The following NT5DC1 variants were observed in gnomAD, a reference collection of about 807,000 sequenced individuals.
NT5DC1 encodes the protein 5'-nucleotidase domain containing 1, also known as 5'-nucleotidase domain-containing protein 1.
NT5DC1 carries 42 observed loss-of-function variants against 59.4 expected under a neutral mutation model. The ratio of observed to expected loss-of-function variants is 0.71; its 90% CI spans 0.55 to 0.92. The LOEUF (loss-of-function observed/expected upper bound fraction) is 0.92. Ranked by LOEUF, NT5DC1 falls within the 40% of genes least tolerant of loss-of-function variation. The pLI is 0.00. For missense variants in NT5DC1, 501 were observed against 537.1 expected (o/e 0.93, Z 0.66); for synonymous variants, 172 against 188.1 (o/e 0.91, Z 0.70).
chr6:116,132,068 T>C (rs12205235), intron 6 of NT5DC1, among the ~76,000 whole-genome samples: 27,403 of 152,120 alleles, frequency 0.18, 3,271 homozygotes, highest in Middle Eastern at 0.34. Context: ...CTTTATCCAG[T>C]CTATCATTGA....
chr6:116,149,915 T>A lies in NT5DC1; in HGVS notation c.529+31970T>A, dbSNP rs73772286. Among the ~76,000 whole-genome samples the A allele has an allele frequency of 4.8e-3, 734 of 152,344 alleles. 11 individuals are homozygous for A. Among genetic ancestry groups the A allele is most frequent in the South Asian group, 0.042 (204 of 4,820 alleles). On this transcript the variant is annotated intron_variant, in intron 6 of 11. Transcript: ENST00000319550. The stretch of plus-strand genomic sequence containing the variant: ...TAACGGCTTTTTATCTAAAGCATAG[T>A]GTTCCCCCACTCACAGGTAGGTAAG...
intron 2 of NT5DC1, among the ~76,000 whole-genome samples, chr6:116,106,694 A>G (rs148404534): frequency 3.2e-4 from 49 of 152,352 alleles, no homozygotes; most frequent in Non-Finnish European, 4.7e-4. Context: ...TTTAAGAACT[A>G]TAAGAGAAAA....
intron 6 of NT5DC1, among the ~76,000 whole-genome samples, chr6:116,132,068 T>G (rs12205235): frequency 6.6e-6 from 1 of 152,036 alleles, no homozygotes; most frequent in Admixed American, 6.6e-5. Context: ...CTTTATCCAG[T>G]CTATCATTGA....
intron 6 of NT5DC1, among the ~76,000 whole-genome samples, chr6:116,208,908 A>G (rs915327663): frequency 6.6e-6 from 1 of 152,014 alleles, no homozygotes; most frequent in African/African-American, 2.4e-5. Context: ...CCAGAGAGTA[A>G]TTGAAGGGCA....
At chr6:116,117,970 C>T (rs1779000723) in intron 6 of NT5DC1, 25 bp downstream of exon 6, 1 of 1,104,984 alleles carries the variant, frequency 9.0e-7, no homozygotes, top group Non-Finnish European at 1.4e-6. Context: ...GAGGGGCCTT[C>T]TAATACGTGT....
In NT5DC1 at chr6:116,120,251, A is replaced by G. The variant is rs1779071848; in HGVS notation, c.529+2306A>G. 3 of 1,614,106 alleles carry G rather than the reference A, an allele frequency of 1.9e-6. No homozygotes were observed. The highest frequency in any genetic ancestry group is 2.5e-6 in the Non-Finnish European group (3 of 1,180,038). ...TTTGGTGTATTCATCATAGGTGTAC[A>G]TTACAGGGGTGCCATTCTTATACAG... On this transcript the variant is annotated intron_variant, in intron 6 of 11. Transcript: ENST00000319550.
chr6:116,158,527 G>C (rs548546858), intron 6 of NT5DC1: 12 of 152,206 alleles, frequency 7.9e-5, no homozygotes, highest in African/African-American at 2.9e-4. Flanking sequence ...TATTTAAATA[G>C]TCACAGCCAG....
intron 6 of NT5DC1, among the ~76,000 whole-genome samples, chr6:116,196,595 A>G (rs942066366): frequency 1.2e-4 from 18 of 152,204 alleles, no homozygotes; most frequent in African/African-American, 4.3e-4. Context: ...TATATAGTAT[A>G]TAGAAAGTTG....
At chr6:116,236,178 TC>T (rs755619291) in intron 8 of NT5DC1, among the ~76,000 whole-genome samples, 7 of 152,228 alleles carry the variant, frequency 4.6e-5, no homozygotes, top group Non-Finnish European at 7.3e-5. Flanking sequence ...GTTATTTTTC[TC>T]CATACAATTT....
At chr6:116,209,287 C>A (rs1781525193) in intron 6 of NT5DC1, among the ~76,000 whole-genome samples, 2 of 151,862 alleles carry the variant, frequency 1.3e-5, no homozygotes, top group Admixed American at 6.6e-5. Flanking sequence ...ATGTAAGCAC[C>A]TTTCTTAGCT....
At chr6:116,224,842 T>G (rs184047462) in intron 8 of NT5DC1, among the ~76,000 whole-genome samples, 29 of 152,252 alleles carry the variant, frequency 1.9e-4, no homozygotes, top group African/African-American at 6.7e-4. Context: ...CTTTGGCTGC[T>G]GGGTGGGGAA....
chr6:116,131,914 G>T (rs1407127018), intron 6 of NT5DC1, among the ~76,000 whole-genome samples: 1 of 152,166 alleles, frequency 6.6e-6, no homozygotes, highest in Non-Finnish European at 1.5e-5. Context: ...TTATAAGTGA[G>T]AACATGCAGT....
chr6:116,194,059 AAC>A, intron 6 of NT5DC1, among the ~76,000 whole-genome samples: 1 of 152,010 alleles, frequency 6.6e-6, no homozygotes, highest in African/African-American at 2.4e-5. Flanking sequence ...CAACAACAAC[AAC>A]AAAAGAATAT....
chr6:116,224,318 G>C (rs898672076), intron 8 of NT5DC1, among the ~76,000 whole-genome samples: 5 of 152,310 alleles, frequency 3.3e-5, no homozygotes, highest in African/African-American at 1.2e-4. Flanking sequence ...GTGGGCTTAT[G>C]AACAGTGAAA....
chr6:116,145,768 AT>A (rs1410272122), intron 6 of NT5DC1, among the ~76,000 whole-genome samples: 2 of 152,080 alleles, frequency 1.3e-5, no homozygotes, highest in East Asian at 1.9e-4. Flanking sequence ...TTACCAATTC[AT>A]TTTTTATTTA....
At chr6:116,118,668 A>G (rs1218091266) in intron 6 of NT5DC1, among the ~76,000 whole-genome samples, 1 of 152,256 alleles carries the variant, frequency 6.6e-6, no homozygotes, top group African/African-American at 2.4e-5. Flanking sequence ...AAGACAATAA[A>G]TAGTAACTGC....
At chr6:116,140,249 T>A (rs1191326514) in intron 6 of NT5DC1, among the ~76,000 whole-genome samples, 2 of 152,166 alleles carry the variant, frequency 1.3e-5, no homozygotes, top group Non-Finnish European at 2.9e-5. Flanking sequence ...AACTTATGCT[T>A]ATGTTCCATC....
intron 6 of NT5DC1, among the ~76,000 whole-genome samples, chr6:116,181,985 A>G (rs1188445961): frequency 6.6e-6 from 1 of 152,080 alleles, no homozygotes; most frequent in African/African-American, 2.4e-5. Flanking sequence ...AGCAGTGTAC[A>G]CTATACCCAG....
rs143672964 is a variant in NT5DC1, at chr6:116,149,593, G to A, written c.529+31648G>A. Reference sequence around the variant, plus strand: ...AAAGGTGAACCAAAGGATGACTGTCGAAAGGGTATCTAGACTTTATTGGAG... The same window carrying A: ...AAAGGTGAACCAAAGGATGACTGTCAAAAGGGTATCTAGACTTTATTGGAG... On this transcript the variant is annotated intron_variant, in intron 6 of 11. Transcript: ENST00000319550. 3.3e-5 allele frequency among the ~76,000 whole-genome samples: 5 copies of A among 152,258 alleles called. No individual in the cohort carries two copies. In the East Asian group the frequency reaches 5.8e-4, roughly 18 times the overall value.
Sources: allele counts gnomAD v4.1 joint callset (sites outside exome capture counted in the v4.1 genomes callset), GRCh38; gene constraint gnomAD v4.1.1; transcripts MANE v1.5; gene names NCBI Gene and HGNC (gene_info 2026-07-23, HGNC 2026-07-21).